PDHB: variants seen among roughly 807,000 people sequenced by gnomAD.
PDHB encodes the protein pyruvate dehydrogenase E1 component subunit beta, mitochondrial.
A neutral mutation model predicts 42.8 loss-of-function variants in PDHB; 17 were observed. The ratio of observed to expected loss-of-function variants is 0.40; its 90% CI spans 0.27 to 0.60. The LOEUF (loss-of-function observed/expected upper bound fraction) is 0.60. Ranked by LOEUF, PDHB falls within the 20% of genes least tolerant of loss-of-function variation. The probability of loss-of-function intolerance (pLI) is 0.46; values close to 1 mark genes in which losing one functional copy is unlikely to be tolerated. For synonymous variants in PDHB, 154 were observed against 148.7 expected, an observed-to-expected ratio of 1.04 and a Z score of -0.26; for missense variants, 322 against 451.3, an observed-to-expected ratio of 0.71 and a Z score of 2.60.
chr3:58,428,260 G>C (rs894410957), intron 9 of PDHB, 81 bp from the exon 10 acceptor site: 51 of 1,389,606 alleles, frequency 3.7e-5, no homozygotes, highest in Middle Eastern at 1.8e-4. Context: ...TGGCTGACCA[G>C]GAAGAGAAAA....
rs2062893110 is a variant in PDHB at position 58,428,541 on chromosome 3, AGAT to A, written c.863_865del (p.His288del). The A allele has an allele frequency of 6.2e-7, 1 of 1,613,934 alleles. No individual in the cohort carries two copies. Among genetic ancestry groups the A allele is most frequent in the African/African-American group, 1.3e-5 (1 of 74,932 alleles). On this transcript the variant is annotated inframe_deletion, in exon 9 of 10. Coordinates refer to ENST00000302746, the MANE Select transcript of PDHB (RefSeq NM_000925.4). The stretch of plus-strand genomic sequence containing the variant: ...TGGCCAGCCTCCTTCCACAGTTACA[AGAT>A]GATTTGTCTTCATGACACTGGCTTC...
rs758352130 is a variant in PDHB, at chr3:58,433,821, C to T, written c.-12G>A. On this transcript the variant is annotated 5_prime_UTR_variant, in exon 1 of 10. Coordinates refer to ENST00000302746, the MANE Select transcript of PDHB (RefSeq NM_000925.4). ...GACACCGCCGCCATCTTGGTCGTGT[C>T]CTCTATCCGCTGCCAAACGACAACA... is the stretch of plus-strand genomic sequence containing the variant. 8.7e-6 allele frequency: 14 copies of T among 1,609,094 alleles called. No individual in the cohort carries two copies. Among genetic ancestry groups the T allele is most frequent in the Admixed American group, 3.4e-5 (2 of 59,618 alleles).
intron 8 of PDHB, chr3:58,428,833 T>C (rs1332703733): frequency 1.1e-5 from 6 of 569,068 alleles, no homozygotes; most frequent in Admixed American, 6.3e-5. Context: ...TGTGCAGTTA[T>C]AGGATTCATT....
At chr3:58,428,769 A>G (rs2062895136) in intron 8 of PDHB, 155 bp from the exon 9 acceptor site, 1 of 663,558 alleles carries the variant, frequency 1.5e-6, no homozygotes, top group Non-Finnish European at 2.6e-6. Flanking sequence ...TACAAACTGT[A>G]AAAGGAAAAA....
intron 2 of PDHB, chr3:58,433,328 TA>T (rs919200017): frequency 5.1e-5 from 29 of 567,600 alleles, no homozygotes; most frequent in African/African-American, 4.1e-4. Context: ...TATACACTTC[TA>T]AAAAGTACAT....
rs532600354 is a variant in PDHB, at chr3:58,433,605, G to C, written c.96+26C>G. 3.2e-5 allele frequency: 52 copies of C among 1,601,718 alleles called. 1 individual carries two copies. The African/African-American group carries it at 4.5e-4, about 14-fold the overall frequency. On this transcript the variant is annotated intron_variant, in intron 2 of 9. Coordinates refer to ENST00000302746, the MANE Select transcript of PDHB (RefSeq NM_000925.4). ...AGAAGGGGGGACCCTCCCCGCCCTC[G>C]TCCGACGAGCACCCGCGCCTGTTAC... is the stretch of plus-strand genomic sequence containing the variant.
chr3:58,428,233 A>T, intron 9 of PDHB, 54 bp from the exon 10 acceptor site: 1 of 1,541,260 alleles, frequency 6.5e-7, no homozygotes, highest in Admixed American at 1.7e-5. Flanking sequence ...GGGCACTACC[A>T]CCTTGGCACA....
chr3:58,431,502 G>C lies in PDHB; in HGVS notation c.303+91C>G, dbSNP rs1457753608. ...GCTGAGATGGTGCCAGTGCACTCCA[G>C]GCTGGACAACAGAGTGAGACTCTGT... is the stretch of plus-strand genomic sequence containing the variant. On this transcript the variant is annotated intron_variant, in intron 5 of 9. Coordinates refer to ENST00000302746, the MANE Select transcript of PDHB (RefSeq NM_000925.4). The surrounding 1 kb of genome is among the most constrained non-coding windows in gnomAD (Gnocchi z 4.4). The C allele has an allele frequency of 9.6e-7, 1 of 1,036,984 alleles. No homozygotes were observed. 64.2% of individuals were successfully genotyped at this position (1,036,984 alleles called of 1,614,324 possible). A position where few individuals can be genotyped will look rare whatever the true frequency, so the allele number is the denominator to read the frequency against.
Position 58,427,859 on chromosome 3 carries a change from G to A in PDHB, c.*175C>T, listed in dbSNP as rs369712686. On this transcript the variant is annotated 3_prime_UTR_variant, in exon 10 of 10. Coordinates refer to ENST00000302746, the MANE Select transcript of PDHB (RefSeq NM_000925.4). ...AAAGGAAGCATGGCATCTAGGGGAG[G>A]AGAGTGGAGAGTTTTCCATACACAA... 1.5e-6 allele frequency: 1 copy of A among 671,288 alleles called. No homozygotes were observed. Among genetic ancestry groups the A allele is most frequent in the Non-Finnish European group, 2.7e-6 (1 of 367,430 alleles). The allele number at this position is 671,288 out of a possible 1,614,324, so 41.6% of individuals were successfully genotyped here.
chr3:58,430,756 C>G lies in PDHB; in HGVS notation c.490G>C (p.Ala164Pro), dbSNP rs1217309133. 4 of 1,614,154 alleles carry G rather than the reference C, an allele frequency of 2.5e-6. No individual in the cohort carries two copies. Among genetic ancestry groups the G allele is most frequent in the Non-Finnish European group, 3.4e-6 (4 of 1,179,952 alleles). ...AAGCCTGGGCAGTGCCCATACCAGG[C>G]AGCAAAGCACTGTGAGTGCTGGGCA... ...VAAQHSQCFA[A>P]WYGHCPGLKV... is the part of the protein sequence containing the mutation. The change falls in exon 6 of 10, where the codon GCC becomes CCC. Residue 164 changes from alanine to proline, a missense_variant. Physicochemically the swap from Ala to Pro is conservative, Grantham distance 27. Around this residue, in one of 3 missense-constraint regions of PDHB, gnomAD observed 208 missense variants for 285.0 expected, o/e 0.73. Transcript: ENST00000302746.
chr3:58,431,680 G>T lies in PDHB; in HGVS notation c.267+51C>A. ...GAAAATCCATAAAAATGAGGATAAT[G>T]GACACTAACAGACATGCCCTCCAGG... On this transcript the variant is annotated intron_variant, in intron 4 of 9. Transcript: ENST00000302746. This position sits in a 1 kb window ranked among gnomAD's most constrained non-coding sequence, Gnocchi z 4.4. The T allele has an allele frequency of 6.3e-7, 1 of 1,594,276 alleles. No homozygotes were observed. Among genetic ancestry groups the T allele is most frequent in the African/African-American group, 1.3e-5 (1 of 74,620 alleles).
Position 58,431,663 on chromosome 3 carries a change from A to T in PDHB, c.268-35T>A. 2 of 1,607,242 alleles carry T rather than the reference A, an allele frequency of 1.2e-6. No homozygotes were observed. The highest frequency in any genetic ancestry group is 1.7e-6 in the Non-Finnish European group (2 of 1,173,802). On this transcript the variant is annotated intron_variant, in intron 4 of 9. Coordinates refer to ENST00000302746, the MANE Select transcript of PDHB (RefSeq NM_000925.4). The surrounding 1 kb of genome is among the most constrained non-coding windows in gnomAD (Gnocchi z 4.4). ...AAAATATAAACATAAGTGAAAATCC[A>T]TAAAAATGAGGATAATGGACACTAA...
rs575695756 is a variant in PDHB, at chr3:58,428,447, T to C, written c.934+26A>G. ...TGATGTTTACTATAGCTTGACTGTA[T>C]TCTAGAACCAGTTTCTTTGAAATAC... On this transcript the variant is annotated intron_variant, in intron 9 of 9. Coordinates refer to ENST00000302746, the MANE Select transcript of PDHB (RefSeq NM_000925.4). 7.4e-6 allele frequency: 12 copies of C among 1,612,398 alleles called. No individual in the cohort carries two copies. The Admixed American group carries it at 1.0e-4, about 13-fold the overall frequency.
intron 6 of PDHB, 88 bp downstream of exon 6, chr3:58,430,565 CCTAA>C: frequency 1.0e-6 from 1 of 1,004,828 alleles, no homozygotes; most frequent in South Asian, 1.3e-5. Context: ...TATATCTAAG[CCTAA>C]CTAAAAGACT....
At chr3:58,429,949 T>C in intron 7 of PDHB, 150 bp from the exon 8 acceptor site, 1 of 737,648 alleles carries the variant, frequency 1.4e-6, no homozygotes, top group South Asian at 1.5e-5. Context: ...TTCCTAGAAA[T>C]GAAACACAAA....
Position 58,430,904 on chromosome 3 carries a change from A to G in PDHB, c.342T>C (p.Asn114=), listed in dbSNP as rs1411248706. Residue 114 remains asparagine (N), a synonymous_variant, in exon 6 of 10, where the codon AAT becomes AAC. Transcript: ENST00000302746. ...LRPICEFMTF[N]FSMQAIDQVI... ...CCTGGTCAATGGCTTGCATGGAGAA[A>G]TTGAAGGTCATAAATTCACAAATGG... is the stretch of plus-strand genomic sequence containing the variant. 1 of 1,614,250 alleles carries G rather than the reference A, an allele frequency of 6.2e-7. No homozygotes were observed. The highest frequency in any genetic ancestry group is 8.5e-7 in the Non-Finnish European group (1 of 1,180,040).
At chr3:58,429,375 C>T (rs961045920) in intron 8 of PDHB, among the ~76,000 whole-genome samples, 7 of 151,722 alleles carry the variant, frequency 4.6e-5, no homozygotes, top group South Asian at 4.2e-4. Flanking sequence ...CAGGAGTTCA[C>T]GGTTACAGTG....
Position 58,432,053 on chromosome 3 carries a change from T to TGTAA in PDHB, c.97-70_97-69insTTAC. 8 of 1,062,846 alleles carry TGTAA rather than the reference T, an allele frequency of 7.5e-6. No homozygotes were observed. In the South Asian group the frequency reaches 8.9e-5, roughly 12 times the overall value. 65.8% of individuals were successfully genotyped at this position (1,062,846 alleles called of 1,614,324 possible). A position where few individuals can be genotyped will look rare whatever the true frequency, so the allele number is the denominator to read the frequency against. ...ATTCAACTAAGATTTTCTTCCTTTA[T>TGTAA]ATTTACCTAGGCTGCCCACAGCATA... is the stretch of plus-strand genomic sequence containing the variant. On this transcript the variant is annotated intron_variant, in intron 2 of 9. Coordinates refer to ENST00000302746, the MANE Select transcript of PDHB (RefSeq NM_000925.4).
rs771853453 is a variant in PDHB, at chr3:58,431,784, C to A, written c.214G>T (p.Gly72Trp). The A allele has an allele frequency of 6.2e-7, 1 of 1,613,602 alleles. No individual in the cohort carries two copies. Among genetic ancestry groups the A allele is most frequent in the South Asian group, 1.1e-5 (1 of 91,072 alleles). The change falls in exon 4 of 10, where the codon GGG (glycine) becomes TGG (tryptophan). Residue 72 changes from glycine to tryptophan, a missense_variant. Gly to Trp is a radical substitution (Grantham distance 184). Transcript: ENST00000302746. This position sits in a 1 kb window ranked among gnomAD's most constrained non-coding sequence, Gnocchi z 4.4. Reference protein sequence around the residue: ...QYDGAYKVSRGLWKKYGDKRI... With the variant: ...QYDGAYKVSRWLWKKYGDKRI... ...TTGTCTCCATATTTCTTCCACAGCC[C>A]TCGACTAACCTACAATTAAGAGTTG...
Sources: gnomAD v4.1 joint callset for allele counts (sites outside exome capture counted in the v4.1 genomes callset) on GRCh38, gnomAD v4.1.1 for gene constraint, gnomAD v4.1.1 regional missense constraint, Gnocchi (gnomAD v3.1) non-coding constraint, MANE v1.5 for transcripts, NCBI Gene and HGNC (gene_info 2026-07-23, HGNC 2026-07-21) for gene names.